Variants in SREK1IP1 observed in about 807,000 individuals in gnomAD.
The protein encoded by SREK1IP1 is protein SREK1IP1.
In SREK1IP1, 12 loss-of-function variants were observed where a neutral mutation model predicts 22.8. The ratio of observed to expected loss-of-function variants is 0.53; its 90% confidence interval spans 0.34 to 0.85. The LOEUF (loss-of-function observed/expected upper bound fraction) is 0.85, where lower values mean the gene tolerates loss of function less well. SREK1IP1 is among the 40% of genes least tolerant of loss of function. The pLI, the probability that SREK1IP1 is intolerant of heterozygous loss-of-function variation, is 0.02. For synonymous variants in SREK1IP1, 53 were observed against 52.7 expected, an observed-to-expected ratio of 1.01 and a Z score of -0.02; for missense variants, 147 against 171.8, an observed-to-expected ratio of 0.86 and a Z score of 0.81.
At chr5:64,744,615 C>T (rs1277463451) in intron 2 of SREK1IP1, among the ~76,000 whole-genome samples, 1 of 152,148 alleles carries the variant, frequency 6.6e-6, no homozygotes, top group East Asian at 1.9e-4. Flanking sequence ...GGAATATCAG[C>T]AATGTTCAAT....
chr5:64,749,737 G>A (rs1317963243), intron 2 of SREK1IP1, among the ~76,000 whole-genome samples: 2 of 152,114 alleles, frequency 1.3e-5, no homozygotes, highest in Non-Finnish European at 2.9e-5. Flanking sequence ...CACTGCACCT[G>A]GCCAACTTCC....
chr5:64,740,278 T>C (rs1742531428), intron 3 of SREK1IP1, among the ~76,000 whole-genome samples: 1 of 152,074 alleles, frequency 6.6e-6, no homozygotes, highest in Non-Finnish European at 1.5e-5. Context: ...AAATAAATGA[T>C]ATCTGTTAGC....
chr5:64,738,324 A>G (rs1742498188), intron 3 of SREK1IP1, among the ~76,000 whole-genome samples: 1 of 152,154 alleles, frequency 6.6e-6, no homozygotes, highest in Non-Finnish European at 1.5e-5. Flanking sequence ...CTAAAAATCA[A>G]ATGAATATTT....
At chr5:64,728,288 A>T (rs1192342897) in intron 3 of SREK1IP1, 109 bp from the exon 4 acceptor site, 1 of 1,035,564 alleles carries the variant, frequency 9.7e-7, no homozygotes, top group East Asian at 4.0e-5. Flanking sequence ...TTCACTGGTT[A>T]GGATAATTTT....
At chr5:64,757,717 C>T (rs6449754) in intron 1 of SREK1IP1, among the ~76,000 whole-genome samples, 9,575 of 152,186 alleles carry the variant, frequency 0.063, 975 homozygotes, top group African/African-American at 0.22. Flanking sequence ...TCACAACTCA[C>T]AAACTGCAAC....
chr5:64,724,381 C>A lies in SREK1IP1; in HGVS notation c.*3G>T. On this transcript the variant is annotated 3_prime_UTR_variant, in exon 5 of 5. Transcript: ENST00000513458. ...AATTTAACGGCTTAAGCCAAAGTCT[C>A]AGTTACTTTCTGGAGAATTCAGAAC... 6.5e-7 allele frequency: 1 copy of A among 1,527,258 alleles called. No homozygotes were observed. Among genetic ancestry groups the A allele is most frequent in the South Asian group, 1.4e-5 (1 of 73,532 alleles). 94.6% of individuals were successfully genotyped at this position (1,527,258 alleles called of 1,614,324 possible).
chr5:64,761,282 C>T (rs887635124), intron 1 of SREK1IP1, among the ~76,000 whole-genome samples: 2 of 152,084 alleles, frequency 1.3e-5, no homozygotes, highest in Non-Finnish European at 2.9e-5. Flanking sequence ...TCAGTGCTTA[C>T]CATGATGGAG....
chr5:64,740,454 T>G (rs1742533964), intron 3 of SREK1IP1, among the ~76,000 whole-genome samples: 1 of 152,172 alleles, frequency 6.6e-6, no homozygotes, highest in Non-Finnish European at 1.5e-5. Flanking sequence ...CCAAATCAAC[T>G]TTCTTTGGTA....
chr5:64,759,750 G>C (rs1742912360), intron 1 of SREK1IP1, among the ~76,000 whole-genome samples: 1 of 152,134 alleles, frequency 6.6e-6, no homozygotes, highest in Admixed American at 6.5e-5. Context: ...GTGGAGATAT[G>C]CTCAGTCTTA....
intron 2 of SREK1IP1, among the ~76,000 whole-genome samples, chr5:64,748,088 A>C (rs1742675272): frequency 6.6e-6 from 1 of 152,244 alleles, no homozygotes; most frequent in Admixed American, 6.5e-5. Context: ...TAAAATGTGG[A>C]AACAATCAAG....
chr5:64,739,995 A>G (rs1458032654), intron 3 of SREK1IP1, among the ~76,000 whole-genome samples: 1 of 152,200 alleles, frequency 6.6e-6, no homozygotes, highest in East Asian at 1.9e-4. Context: ...CTAAGATTAT[A>G]TTCAAATAAG....
At chr5:64,760,382 A>G (rs1742927718) in intron 1 of SREK1IP1, among the ~76,000 whole-genome samples, 1 of 152,232 alleles carries the variant, frequency 6.6e-6, no homozygotes, top group Non-Finnish European at 1.5e-5. Context: ...TAACATACAG[A>G]TAAGACAGCT....
chr5:64,739,814 TC>T (rs1221596000), intron 3 of SREK1IP1, among the ~76,000 whole-genome samples: 5 of 152,100 alleles, frequency 3.3e-5, no homozygotes, highest in Non-Finnish European at 7.4e-5. Flanking sequence ...TGGGATTCTC[TC>T]CCTCTTTTTC....
chr5:64,739,703 G>A (rs369489917), intron 3 of SREK1IP1, among the ~76,000 whole-genome samples: 2 of 151,894 alleles, frequency 1.3e-5, no homozygotes, highest in East Asian at 1.9e-4. Context: ...TGGCATTTTA[G>A]TGGTATTTCA....
At chr5:64,731,000 G>A (rs1287071717) in intron 3 of SREK1IP1, among the ~76,000 whole-genome samples, 1 of 152,120 alleles carries the variant, frequency 6.6e-6, no homozygotes, top group Non-Finnish European at 1.5e-5. Flanking sequence ...TGAAAGTGGT[G>A]GGTCAATAGC....
At chr5:64,751,205 T>C (rs1042049957) in intron 2 of SREK1IP1, among the ~76,000 whole-genome samples, 2 of 152,228 alleles carry the variant, frequency 1.3e-5, no homozygotes, top group African/African-American at 2.4e-5. Context: ...CTTTGGCTAA[T>C]GTGATGCTAC....
intron 3 of SREK1IP1, among the ~76,000 whole-genome samples, chr5:64,734,533 T>C (rs745701655): frequency 3.3e-5 from 5 of 152,016 alleles, no homozygotes; most frequent in Admixed American, 2.0e-4. Context: ...GTTACATTTC[T>C]TTTAAAATTG....
At chr5:64,734,584 C>T (rs964529467) in intron 3 of SREK1IP1, among the ~76,000 whole-genome samples, 1 of 151,702 alleles carries the variant, frequency 6.6e-6, no homozygotes, top group African/African-American at 2.4e-5. Context: ...TTACTTATTT[C>T]TTTAATGTCC....
chr5:64,742,305 C>A (rs896791027), intron 2 of SREK1IP1, among the ~76,000 whole-genome samples: 1 of 151,946 alleles, frequency 6.6e-6, no homozygotes, highest in Non-Finnish European at 1.5e-5. Context: ...TCTCTTTGTG[C>A]ACATGTACTA....
Sources: allele counts gnomAD v4.1 joint callset (sites outside exome capture counted in the v4.1 genomes callset), GRCh38; gene constraint gnomAD v4.1.1; transcripts MANE v1.5; gene names NCBI Gene and HGNC (gene_info 2026-07-23, HGNC 2026-07-21).